Variants in ODAD2 observed in about 807,000 individuals in gnomAD.
ODAD2 encodes outer dynein arm-docking complex subunit 2.
ODAD2 carries 89 observed loss-of-function variants against 106.8 expected under a neutral mutation model. The observed-to-expected ratio is 0.83, with a 90% CI of 0.70 to 0.99. The LOEUF (loss-of-function observed/expected upper bound fraction) is 0.99. Ranked by LOEUF, ODAD2 falls within the 50% of genes least tolerant of loss-of-function variation. The pLI, the probability that ODAD2 is intolerant of heterozygous loss-of-function variation, is 0.00. For missense variants in ODAD2, 1,168 were observed against 1,238.5 expected (o/e 0.94, Z 0.85); for synonymous variants, 404 against 436.2 (o/e 0.93, Z 0.92).
intron 2 of ODAD2, among the ~76,000 whole-genome samples, chr10:27,987,780 T>C (rs961393104): frequency 4.6e-5 from 7 of 152,062 alleles, no homozygotes; most frequent in African/African-American, 1.7e-4. Context: ...AGAATTTTTT[T>C]TTTTTTTAGC....
intron 1 of ODAD2, among the ~76,000 whole-genome samples, chr10:27,998,673 C>G (rs1396360995): frequency 6.6e-6 from 1 of 151,920 alleles, no homozygotes; most frequent in Non-Finnish European, 1.5e-5. Flanking sequence ...GGTCTTGGTC[C>G]CCGGGAGGGA....
chr10:27,971,904 C>A (rs1848888854), intron 7 of ODAD2, among the ~76,000 whole-genome samples: 1 of 152,098 alleles, frequency 6.6e-6, no homozygotes, highest in Admixed American at 6.6e-5. Flanking sequence ...TGCCAGAAGA[C>A]CTGTGCTAGA....
At position 27,994,960 on chromosome 10, in the gene ODAD2, T is replaced by C. The variant is rs1233137982; in HGVS notation, c.183A>G (p.Thr61=). 6 of 1,614,112 alleles carry C rather than the reference T, an allele frequency of 3.7e-6. No individual in the cohort carries two copies. The Admixed American group carries it at 6.7e-5, about 18-fold the overall frequency. Reference sequence around the variant, plus strand: ...ATTCAAATGCTGAGGGCGCCAAACTTGTGTTCCATTCAAGTGGTTCCACAA... The same window carrying C: ...ATTCAAATGCTGAGGGCGCCAAACTCGTGTTCCATTCAAGTGGTTCCACAA... ...FVFVEPLEWN[T]SLAPSAFESG... Residue 61 remains threonine, a synonymous_variant, in exon 2 of 20, where the codon ACA becomes ACG. Coordinates refer to ENST00000305242, the MANE Select transcript of ODAD2 (RefSeq NM_018076.5).
At chr10:27,823,013 G>C (rs1163012353) in intron 19 of ODAD2, among the ~76,000 whole-genome samples, 1 of 152,158 alleles carries the variant, frequency 6.6e-6, no homozygotes, top group African/African-American at 2.4e-5. Context: ...ATAATAGAGA[G>C]AGCCCTATTG....
At chr10:27,966,000 C>T (rs758628518) in intron 9 of ODAD2, among the ~76,000 whole-genome samples, 3 of 152,116 alleles carry the variant, frequency 2.0e-5, no homozygotes, top group Non-Finnish European at 4.4e-5. Flanking sequence ...AGTGGGTTCT[C>T]GTCCATAAAA....
intron 3 of ODAD2, among the ~76,000 whole-genome samples, 153 bp from the exon 4 acceptor site, chr10:27,985,364 G>A (rs1213707419): frequency 6.6e-6 from 1 of 152,034 alleles, no homozygotes; most frequent in Non-Finnish European, 1.5e-5. Context: ...TCATCTCTAC[G>A]TCTGAGATTC....
intron 19 of ODAD2, among the ~76,000 whole-genome samples, chr10:27,849,519 G>T (rs1336348795): frequency 6.6e-6 from 1 of 151,962 alleles, no homozygotes; most frequent in Non-Finnish European, 1.5e-5. Context: ...TCTGCACATT[G>T]TGCACATGTA....
In ODAD2 at chr10:27,842,738, C is replaced by T. The variant is rs141403979; in HGVS notation, c.3021+17887G>A. Among the ~76,000 whole-genome samples the T allele has an allele frequency of 7.2e-4, 109 of 152,228 alleles. 1 individual carries two copies. Among genetic ancestry groups the T allele is most frequent in the African/African-American group, 2.3e-3 (96 of 41,540 alleles). On this transcript the variant is annotated intron_variant, in intron 19 of 19. Coordinates refer to ENST00000305242, the MANE Select transcript of ODAD2 (RefSeq NM_018076.5). ...TCAAGTCAGATGATTGATTAAAATT[C>T]TGAACAAACAAAATATTTATCCAGG...
At chr10:27,893,280 T>TGAACACATTA (rs1842675516) in intron 17 of ODAD2, among the ~76,000 whole-genome samples, 1 of 152,200 alleles carries the variant, frequency 6.6e-6, no homozygotes, top group South Asian at 2.1e-4. Flanking sequence ...CACATACATC[T>TGAACACATTA]GAAAATGTGT....
chr10:27,996,545 C>A (rs1051144398), intron 1 of ODAD2, among the ~76,000 whole-genome samples: 1 of 152,102 alleles, frequency 6.6e-6, no homozygotes, highest in African/African-American at 2.4e-5. Context: ...TCTGCTGTAA[C>A]CTCCAGGCAT....
At chr10:27,822,698 A>T (rs1836707482) in intron 19 of ODAD2, among the ~76,000 whole-genome samples, 1 of 152,190 alleles carries the variant, frequency 6.6e-6, no homozygotes, top group East Asian at 1.9e-4. Context: ...CATATTTAAC[A>T]TTTGCTGGCT....
At chr10:27,964,665 C>T (rs555376681) in intron 9 of ODAD2, among the ~76,000 whole-genome samples, 3 of 152,278 alleles carry the variant, frequency 2.0e-5, no homozygotes, top group Admixed American at 6.5e-5. Context: ...GTCTTTACCT[C>T]GATGTTCAGC....
At position 27,907,676 on chromosome 10, in the gene ODAD2, A is replaced by G. The variant is rs1277526541; in HGVS notation, c.2597T>C (p.Ile866Thr). 6.2e-7 allele frequency: 1 copy of G among 1,613,020 alleles called. No homozygotes were observed. Among genetic ancestry groups the G allele is most frequent in the South Asian group, 1.1e-5 (1 of 91,040 alleles). Residue 866 changes from isoleucine to threonine, a missense_variant, in exon 17 of 20, where the codon ATC becomes ACC. Ile to Thr is a moderately conservative substitution (Grantham distance 89). Coordinates refer to ENST00000305242, the MANE Select transcript of ODAD2 (RefSeq NM_018076.5). Reference protein sequence around the residue: ...ASAAWALCPCIKNAKDAGEMV... With the variant: ...ASAAWALCPCTKNAKDAGEMV... ...GTCCGTTCTTACCTTTGCATTTTTG[A>G]TGCATGGACAGAGTGCCCATGCTGC...
rs1383598841 is a variant in ODAD2, at chr10:27,961,723, C to A, written c.1239-8G>T. 3 of 1,600,256 alleles carry A rather than the reference C, an allele frequency of 1.9e-6. No individual in the cohort carries two copies. In the East Asian group the frequency reaches 6.7e-5, roughly 36 times the overall value. On this transcript the variant is annotated splice_region_variant and splice_polypyrimidine_tract_variant and intron_variant, in intron 9 of 19. Transcript: ENST00000305242. ...ATCTTTTCAGCACTCTTCCTAAGAA[C>A]AATAACAACACACATACACATGTAA...
chr10:27,946,961 T>C (rs942686227), intron 10 of ODAD2, among the ~76,000 whole-genome samples: 7 of 152,202 alleles, frequency 4.6e-5, no homozygotes, highest in Non-Finnish European at 1.0e-4. Flanking sequence ...AAGATGTCAC[T>C]GACAATTTCC....
At chr10:27,912,677 T>A (rs1844091819) in intron 16 of ODAD2, among the ~76,000 whole-genome samples, 1 of 152,204 alleles carries the variant, frequency 6.6e-6, no homozygotes, top group Non-Finnish European at 1.5e-5. Context: ...AAAATTACAC[T>A]GATAAATACC....
chr10:27,920,328 A>G (rs1444872136), intron 16 of ODAD2, among the ~76,000 whole-genome samples: 3 of 152,204 alleles, frequency 2.0e-5, no homozygotes, highest in African/African-American at 7.2e-5. Context: ...TATTGTGAAC[A>G]CACATATACA....
chr10:27,943,515 G>A (rs936466789), intron 12 of ODAD2, among the ~76,000 whole-genome samples: 4 of 151,746 alleles, frequency 2.6e-5, no homozygotes, highest in African/African-American at 4.8e-5. Context: ...GGCTGGGTGC[G>A]TTGGCTCACA....
At chr10:27,916,389 T>C (rs1284296186) in intron 16 of ODAD2, among the ~76,000 whole-genome samples, 1 of 152,124 alleles carries the variant, frequency 6.6e-6, no homozygotes, top group East Asian at 1.9e-4. Context: ...TTATGAAAGC[T>C]TGGTTACATA....
Sources: gnomAD v4.1 joint callset for allele counts (sites outside exome capture counted in the v4.1 genomes callset) on GRCh38, gnomAD v4.1.1 for gene constraint, MANE v1.5 for transcripts, NCBI Gene and HGNC (gene_info 2026-07-23, HGNC 2026-07-21) for gene names.